GLIS3: variants seen among roughly 807,000 people sequenced by gnomAD.
GLIS3 encodes GLIS family zinc finger 3, also known as zinc finger protein GLIS3.
Under a neutral mutation model 78.6 loss-of-function variants are expected in GLIS3, and 53 were observed. That is an observed-to-expected ratio of 0.67 (90% CI 0.54 to 0.85). The LOEUF (loss-of-function observed/expected upper bound fraction) is 0.85, where lower values mean the gene tolerates loss of function less well. Ranked by LOEUF, GLIS3 falls within the 40% of genes least tolerant of loss-of-function variation. The pLI is 0.00. For missense variants in GLIS3, 1,703 were observed against 1,231.1 expected (o/e 1.38, Z -5.74); for synonymous variants, 684 against 509.9 (o/e 1.34, Z -4.60).
At chr9:3,916,582 T>C (rs549845914) in intron 6 of GLIS3, among the ~76,000 whole-genome samples, 83 of 152,334 alleles carry the variant, frequency 5.4e-4, no homozygotes, top group Non-Finnish European at 8.1e-4. Context: ...CAACATCCCT[T>C]TCAGAGAAAA....
intron 6 of GLIS3, among the ~76,000 whole-genome samples, chr9:3,908,709 T>TTTTTTG (rs1823901307): frequency 1.9e-5 from 2 of 107,188 alleles, no homozygotes; most frequent in African/African-American, 6.3e-5. Context: ...TGTATTTGTT[T>TTTTTTG]TTTTTTTTTT....
the GLIS3 span, among the ~76,000 whole-genome samples, chr9:4,388,036 G>C: frequency 2.0e-5 from 3 of 152,120 alleles, no homozygotes; most frequent in African/African-American, 7.2e-5. Flanking sequence ...GCGAACCAAT[G>C]TTTTGTTTTT....
chr9:4,177,006 T>G (rs1332468517), intron 2 of GLIS3, among the ~76,000 whole-genome samples: 1 of 152,222 alleles, frequency 6.6e-6, no homozygotes, highest in Non-Finnish European at 1.5e-5. Flanking sequence ...GCAACATCAG[T>G]ACATTTAACC....
chr9:4,136,185 C>T (rs1261859181), intron 2 of GLIS3, among the ~76,000 whole-genome samples: 1 of 152,098 alleles, frequency 6.6e-6, no homozygotes, highest in Non-Finnish European at 1.5e-5. Flanking sequence ...GCGCTCACAA[C>T]CTCTGAAGAG....
intron 8 of GLIS3, among the ~76,000 whole-genome samples, chr9:3,874,126 G>C (rs1174100351): frequency 7.9e-5 from 12 of 152,124 alleles, no homozygotes; most frequent in Non-Finnish European, 2.9e-5. Flanking sequence ...ATGAGACTGA[G>C]ACTGGCAACT....
the GLIS3 span, among the ~76,000 whole-genome samples, chr9:4,400,789 G>A: frequency 6.6e-6 from 1 of 152,168 alleles, no homozygotes; most frequent in Non-Finnish European, 1.5e-5. Flanking sequence ...CTAGCTCCTG[G>A]ATGACATTTC....
At chr9:4,352,607 T>A (rs1817988034), upstream of GLIS3, among the ~76,000 whole-genome samples, 1 of 152,226 alleles carries the variant, frequency 6.6e-6, no homozygotes, top group Admixed American at 6.5e-5. Flanking sequence ...AGAGGGAGGT[T>A]TCTTCCTTTG....
At chr9:4,327,672 T>C (rs745459916) in intron 2 of GLIS3, among the ~76,000 whole-genome samples, 32 of 152,176 alleles carry the variant, frequency 2.1e-4, no homozygotes, top group Non-Finnish European at 4.0e-4. Context: ...TGCCACCACA[T>C]CACACAACTC....
chr9:4,368,556 T>C, the GLIS3 span, among the ~76,000 whole-genome samples: 2 of 152,184 alleles, frequency 1.3e-5, no homozygotes, highest in Non-Finnish European at 2.9e-5. Context: ...TTTCACCGTG[T>C]TAGCCAGGAT....
chr9:4,197,518 G>A lies in GLIS3; in HGVS notation c.389-71577C>T, dbSNP rs570325236. Among the ~76,000 whole-genome samples the A allele has an allele frequency of 7.9e-5, 12 of 152,226 alleles. No homozygotes were observed. In the South Asian group the frequency reaches 2.5e-3, roughly 32 times the overall value. On this transcript the variant is annotated intron_variant, in intron 2 of 10. Transcript: ENST00000381971. ...AACTTAAGGCCAAGGAGGTTTCCCA[G>A]CTCCATGCCTAGGCACATATCTGGG...
intron 7 of GLIS3, among the ~76,000 whole-genome samples, chr9:3,889,855 A>G (rs1822312138): frequency 6.6e-6 from 1 of 152,246 alleles, no homozygotes; most frequent in South Asian, 2.1e-4. Context: ...GGGGCAGGCC[A>G]GATTTGGCCT....
chr9:4,300,909 A>G (rs1451993490), upstream of GLIS3, among the ~76,000 whole-genome samples: 1 of 152,076 alleles, frequency 6.6e-6, no homozygotes, highest in African/African-American at 2.4e-5. Flanking sequence ...ATTCACCATC[A>G]TGAATGAAAT....
At chr9:4,194,765 T>A (rs1462558637) in intron 2 of GLIS3, among the ~76,000 whole-genome samples, 1 of 152,148 alleles carries the variant, frequency 6.6e-6, no homozygotes, top group Non-Finnish European at 1.5e-5. Flanking sequence ...CCACTGAAGC[T>A]CCGGGCAACC....
chr9:4,323,925 C>A (rs562472829), intron 2 of GLIS3, among the ~76,000 whole-genome samples: 1 of 152,224 alleles, frequency 6.6e-6, no homozygotes, highest in Non-Finnish European at 1.5e-5. Context: ...ACCACTTTCT[C>A]TGCATGACTT....
intron 2 of GLIS3, among the ~76,000 whole-genome samples, chr9:4,165,089 C>T (rs994876213): frequency 4.6e-5 from 7 of 152,124 alleles, no homozygotes; most frequent in African/African-American, 1.7e-4. Flanking sequence ...TGAGGGTCCA[C>T]AGATGCAGGA....
chr9:4,317,970 A>G (rs1817465888), intron 2 of GLIS3, among the ~76,000 whole-genome samples: 1 of 152,256 alleles, frequency 6.6e-6, no homozygotes, highest in African/African-American at 2.4e-5. Flanking sequence ...GCACATCTAC[A>G]TGGTAAAATC....
intron 2 of GLIS3, among the ~76,000 whole-genome samples, chr9:4,203,430 G>C (rs906138819): frequency 6.6e-6 from 1 of 152,178 alleles, no homozygotes; most frequent in Non-Finnish European, 1.5e-5. Flanking sequence ...GATTTCTCAA[G>C]GAACTTAGAA....
intron 8 of GLIS3, chr9:3,878,942 TATC>T (rs1164142415): frequency 4.2e-5 from 7 of 165,524 alleles, no homozygotes; most frequent in Non-Finnish European, 8.0e-5. Flanking sequence ...GGAGTAAAAA[TATC>T]ATGAAGATCA....
the GLIS3 span, among the ~76,000 whole-genome samples, chr9:4,355,132 G>GAAA: frequency 1.3e-3 from 193 of 145,304 alleles, no homozygotes; most frequent in Non-Finnish European, 2.3e-3. Flanking sequence ...ACTCCATCTC[G>GAAA]AAAAAAAAAA....
Sources: allele counts gnomAD v4.1 joint callset (sites outside exome capture counted in the v4.1 genomes callset), GRCh38; gene constraint gnomAD v4.1.1; transcripts MANE v1.5; gene names NCBI Gene and HGNC (gene_info 2026-07-23, HGNC 2026-07-21).